The following IL7 variants were observed in gnomAD, a reference collection of about 807,000 sequenced individuals.
The protein encoded by IL7 is interleukin-7.
IL7 carries 3 observed loss-of-function variants against 21.6 expected under a neutral mutation model. That is an observed-to-expected ratio of 0.14 (90% CI 0.06 to 0.36). IL7 has a LOEUF of 0.36. IL7 is among the 10% of genes least tolerant of loss of function. The pLI is 1.00. For synonymous variants in IL7, 62 were observed against 68.1 expected, an observed-to-expected ratio of 0.91 and a Z score of 0.44; for missense variants, 175 against 200.2, an observed-to-expected ratio of 0.87 and a Z score of 0.76.
At position 78,802,174 on chromosome 8, in the gene IL7, C is replaced by A. The variant is rs536699682; in HGVS notation, c.10+2739G>T. ...TTTAATGTAAGCCAAATAATACATTCAATCCTCAGCTGCTTAAGTTATGGG... is the reference window on the plus strand; with the variant it reads ...TTTAATGTAAGCCAAATAATACATTAAATCCTCAGCTGCTTAAGTTATGGG... On this transcript the variant is annotated intron_variant, in intron 1 of 5. Coordinates refer to ENST00000263851, the MANE Select transcript of IL7 (RefSeq NM_000880.4). Among the ~76,000 whole-genome samples the A allele has an allele frequency of 9.2e-5, 14 of 152,276 alleles. No homozygotes were observed. In the South Asian group the frequency reaches 2.9e-3, roughly 32 times the overall value.
At chr8:78,675,713 G>A (rs1422996956), downstream of IL7, 13 of 1,346,372 alleles carry the variant, frequency 9.7e-6, no homozygotes, top group Non-Finnish European at 1.2e-5. Flanking sequence ...ATAAAACTAA[G>A]AGAAAACATT....
intron 2 of IL7, among the ~76,000 whole-genome samples, chr8:78,778,446 T>C (rs1236711819): frequency 6.6e-6 from 1 of 152,080 alleles, no homozygotes; most frequent in Non-Finnish European, 1.5e-5. Flanking sequence ...TAGCAGATGC[T>C]TAATAAATGT....
intron 1 of IL7, among the ~76,000 whole-genome samples, chr8:78,803,369 G>A (rs982449390): frequency 6.6e-6 from 1 of 152,072 alleles, no homozygotes; most frequent in African/African-American, 2.4e-5. Flanking sequence ...AAGACAGTTG[G>A]AGACCACATA....
intron 3 of IL7, among the ~76,000 whole-genome samples, chr8:78,725,000 T>C (rs564230194): frequency 5.3e-4 from 80 of 152,196 alleles, no homozygotes; most frequent in Non-Finnish European, 1.0e-3. Flanking sequence ...AATCTAAATT[T>C]TGTTATTATC....
chr8:78,720,579 A>G (rs1446887767), intron 5 of IL7, among the ~76,000 whole-genome samples: 2 of 151,836 alleles, frequency 1.3e-5, no homozygotes, highest in African/African-American at 4.8e-5. Flanking sequence ...AGCAATATAC[A>G]TATGATTTTT....
chr8:78,687,969 TA>T (rs1430670795), intron 3 of IL7, among the ~76,000 whole-genome samples: 1 of 144,730 alleles, frequency 6.9e-6, no homozygotes, highest in Non-Finnish European at 1.5e-5. Flanking sequence ...TATTTATATA[TA>T]AATATATATA....
At chr8:78,760,147 T>C (rs2465832) in intron 2 of IL7, 183,529 of 1,507,756 alleles carry the variant, frequency 0.12, 15,909 homozygotes, top group African/African-American at 0.4. Context: ...GTCTCTTAGG[T>C]ATTTTCCACA....
At position 78,726,707 on chromosome 8, in the gene IL7, C is replaced by G. The variant is rs550257227; in HGVS notation, n.268-5267G>C. Among the ~76,000 whole-genome samples, 10 of 152,038 alleles carry G rather than the reference C, an allele frequency of 6.6e-5. No individual in the cohort carries two copies. In the South Asian group the frequency reaches 1.9e-3, roughly 28 times the overall value. Reference sequence around the variant, plus strand: ...GAAGCAAACTGAGACTTTCCTCCCCCACCTGAGTGTAAAACAAAATGATCA... The same window carrying G: ...GAAGCAAACTGAGACTTTCCTCCCCGACCTGAGTGTAAAACAAAATGATCA... On this transcript the variant is annotated intron_variant and non_coding_transcript_variant, in intron 3 of 6. Coordinates refer to the IL7 transcript ENST00000519833.
intron 6 of IL7, chr8:78,718,376 CAT>C (rs1244943048): frequency 5.9e-5 from 9 of 152,000 alleles, no homozygotes; most frequent in South Asian, 2.1e-4. Flanking sequence ...TGTTTAAAAA[CAT>C]ATAATTTTTT....
At chr8:78,746,372 G>A (rs1234648545) in intron 2 of IL7, among the ~76,000 whole-genome samples, 1 of 152,198 alleles carries the variant, frequency 6.6e-6, no homozygotes, top group African/African-American at 2.4e-5. Flanking sequence ...TGCAGGTATT[G>A]GCAGAATGCC....
At chr8:78,687,825 TC>T (rs1393615330) in intron 3 of IL7, among the ~76,000 whole-genome samples, 4 of 122,700 alleles carry the variant, frequency 3.3e-5, no homozygotes, top group Non-Finnish European at 3.3e-5. Context: ...ATATATATAT[TC>T]ATGTAATAAA....
intron 4 of IL7, among the ~76,000 whole-genome samples, chr8:78,677,777 A>G (rs7839152): frequency 0.69 from 104,199 of 151,968 alleles, 36,569 homozygotes; most frequent in East Asian, 0.91. Flanking sequence ...TGGATTTTGC[A>G]CAGGAAACAA....
chr8:78,792,213 A>T (rs1157831550), intron 2 of IL7, among the ~76,000 whole-genome samples: 1 of 152,116 alleles, frequency 6.6e-6, no homozygotes, highest in Non-Finnish European at 1.5e-5. Context: ...TATCAGATGC[A>T]GGAACAACTG....
intron 3 of IL7, among the ~76,000 whole-genome samples, chr8:78,698,088 T>C (rs979550246): frequency 3.9e-5 from 6 of 152,212 alleles, no homozygotes; most frequent in Non-Finnish European, 8.8e-5. Context: ...TGATCCAGCA[T>C]TTTCCTCTCA....
intron 5 of IL7, among the ~76,000 whole-genome samples, chr8:78,734,411 A>C (rs1300423943): frequency 6.6e-6 from 1 of 152,132 alleles, no homozygotes. Context: ...CAGACATATA[A>C]AGGAGTAACT....
chr8:78,676,125 TA>T (rs145824687), intron 4 of IL7: 6,808 of 193,638 alleles, frequency 0.035, 20 homozygotes, highest in South Asian at 0.059. Context: ...ACAAACAAAA[TA>T]AAAAAAAAAA....
At chr8:78,681,901 C>CTTTT (rs56181953) in intron 4 of IL7, among the ~76,000 whole-genome samples, 59 of 126,446 alleles carry the variant, frequency 4.7e-4, no homozygotes, top group Non-Finnish European at 5.8e-4. Context: ...CTTTTTCTTT[C>CTTTT]TTTTTTTTTT....
At chr8:78,695,383 T>G (rs1322625774) in intron 3 of IL7, among the ~76,000 whole-genome samples, 1 of 152,208 alleles carries the variant, frequency 6.6e-6, no homozygotes, top group Non-Finnish European at 1.5e-5. Context: ...GTCTCCATTA[T>G]GTAATGCTAC....
intron 5 of IL7, among the ~76,000 whole-genome samples, chr8:78,734,048 T>G (rs1192353271): frequency 1.3e-5 from 2 of 152,164 alleles, no homozygotes; most frequent in East Asian, 3.8e-4. Context: ...CTTAGGATTC[T>G]CCAAAGAGCT....
Sources: gnomAD v4.1 joint callset for allele counts (sites outside exome capture counted in the v4.1 genomes callset) on GRCh38, gnomAD v4.1.1 for gene constraint, MANE v1.5 for transcripts, NCBI Gene and HGNC (gene_info 2026-07-23, HGNC 2026-07-21) for gene names.